ABCG1: variants seen among roughly 807,000 people sequenced by gnomAD.
The protein encoded by ABCG1 is ATP binding cassette subfamily G member 1.
Under a neutral mutation model 69.2 loss-of-function variants are expected in ABCG1, and 29 were observed. That is an observed-to-expected ratio of 0.42 (90% CI 0.31 to 0.57). The LOEUF (loss-of-function observed/expected upper bound fraction) is 0.57, where lower values mean the gene tolerates loss of function less well. Among genes scored for constraint, ABCG1 ranks in the 20% least tolerant of loss-of-function variants. The pLI, the probability that ABCG1 is intolerant of heterozygous loss-of-function variation, is 0.15. For missense variants in ABCG1, 718 were observed against 898.1 expected, an observed-to-expected ratio of 0.80 and a Z score of 2.56; for synonymous variants, 370 against 374.8, an observed-to-expected ratio of 0.99 and a Z score of 0.15.
intron 2 of ABCG1, among the ~76,000 whole-genome samples, chr21:42,234,397 C>CCT (rs1371985176): frequency 1.3e-5 from 2 of 152,196 alleles, no homozygotes; most frequent in African/African-American, 4.8e-5. Context: ...CTACAAAAGG[C>CCT]CTCTCCTCCT....
At chr21:42,278,729 C>T (rs1331524621) in intron 5 of ABCG1, among the ~76,000 whole-genome samples, 2 of 152,128 alleles carry the variant, frequency 1.3e-5, no homozygotes, top group Non-Finnish European at 2.9e-5. Flanking sequence ...CAAACGAGAG[C>T]CTTAGTTCCA....
intron 5 of ABCG1, 139 bp downstream of exon 5, chr21:42,277,084 C>T (rs1435677737): frequency 1.2e-5 from 11 of 897,426 alleles, no homozygotes; most frequent in East Asian, 5.1e-5. Flanking sequence ...GTGGGACAGG[C>T]AACATTTCAG....
At position 42,296,757 on chromosome 21, in the gene ABCG1, G is replaced by T; in HGVS notation, c.*365G>T. ...CACCAGGCACCGTGGGTCCTGGATG[G>T]GGAACTGCAAGCAGCCTCTCAGCTG... On this transcript the variant is annotated 3_prime_UTR_variant, in exon 15 of 15. Coordinates refer to ENST00000398449, the MANE Select transcript of ABCG1 (RefSeq NM_016818.3). The surrounding 1 kb of genome is among the most constrained non-coding windows in gnomAD (Gnocchi z 5.4). 1 of 283,580 alleles carries T rather than the reference G, an allele frequency of 3.5e-6. No individual in the cohort carries two copies. The highest frequency in any genetic ancestry group is 5.3e-5 in the South Asian group (1 of 18,992). 17.6% of individuals were successfully genotyped at this position (283,580 alleles called of 1,614,324 possible). A position where few individuals can be genotyped will look rare whatever the true frequency, so the allele number is the denominator to read the frequency against.
Position 42,296,472 on chromosome 21 carries a change from C to CGGG in ABCG1, c.*80_*81insGGG. 1 of 1,304,320 alleles carries CGGG rather than the reference C, an allele frequency of 7.7e-7. No homozygotes were observed. Among genetic ancestry groups the CGGG allele is most frequent in the Non-Finnish European group, 1.1e-6 (1 of 929,114 alleles). The allele number at this position is 1,304,320 out of a possible 1,614,324, so 80.8% of individuals were successfully genotyped here. A position where few individuals can be genotyped will look rare whatever the true frequency, so the allele number is the denominator to read the frequency against. ...TAGAATCGAGGAGGCAAGCCTGTGC[C>CGGG]CGACCGACGACACAGAGACTCTTCT... On this transcript the variant is annotated 3_prime_UTR_variant, in exon 15 of 15. Coordinates refer to ENST00000398449, the MANE Select transcript of ABCG1 (RefSeq NM_016818.3). The surrounding 1 kb of genome is among the most constrained non-coding windows in gnomAD (Gnocchi z 5.4).
Position 42,219,193 on chromosome 21 carries a change from A to C in ABCG1, c.-70A>C. 1 of 1,303,366 alleles carries C rather than the reference A, an allele frequency of 7.7e-7. No homozygotes were observed. The highest frequency in any genetic ancestry group is 9.8e-7 in the Non-Finnish European group (1 of 1,018,156). The allele number at this position is 1,303,366 out of a possible 1,614,324, so 80.7% of individuals were successfully genotyped here. A position where few individuals can be genotyped will look rare whatever the true frequency, so the allele number is the denominator to read the frequency against. On this transcript the variant is annotated 5_prime_UTR_variant, in exon 1 of 15. Transcript: ENST00000398449. This position sits in a 1 kb window ranked among gnomAD's most constrained non-coding sequence, Gnocchi z 5.3. ...CAGCGGCTGAGCCGGGAGCCAGCGCAGCCTCGGCCCCGCAGCTCAAGCCTC... is the reference window on the plus strand; with the variant it reads ...CAGCGGCTGAGCCGGGAGCCAGCGCCGCCTCGGCCCCGCAGCTCAAGCCTC...
At chr21:42,252,282 T>C (rs972119512) in intron 2 of ABCG1, among the ~76,000 whole-genome samples, 21 of 152,334 alleles carry the variant, frequency 1.4e-4, no homozygotes, top group South Asian at 8.3e-4. Flanking sequence ...CCTACCATTG[T>C]GCCTGTGCTG....
chr21:42,268,939 G>T (rs1368348747), intron 2 of ABCG1, among the ~76,000 whole-genome samples: 1 of 152,198 alleles, frequency 6.6e-6, no homozygotes, highest in Non-Finnish European at 1.5e-5. Flanking sequence ...CAGCACTGAG[G>T]GTCAGCCCCA....
intron 5 of ABCG1, 134 bp from the exon 6 acceptor site, chr21:42,282,140 G>A: frequency 1.5e-5 from 19 of 1,263,386 alleles, no homozygotes; most frequent in Non-Finnish European, 2.1e-5. Context: ...GGTTCGACTT[G>A]CGTGGCCTCC....
At position 42,276,374 on chromosome 21, in the gene ABCG1, C is replaced by T. The variant is rs1310158975; in HGVS notation, c.538-521C>T. On this transcript the variant is annotated intron_variant, in intron 4 of 14. Coordinates refer to ENST00000398449, the MANE Select transcript of ABCG1 (RefSeq NM_016818.3). This position sits in a 1 kb window ranked among gnomAD's most constrained non-coding sequence, Gnocchi z 5.3. ...CAGGCGGTTTGTGGAATTCCTAACTCGCACCACTGGTTCCGCCCAGGCTGG... is the reference window on the plus strand; with the variant it reads ...CAGGCGGTTTGTGGAATTCCTAACTTGCACCACTGGTTCCGCCCAGGCTGG... The T allele has an allele frequency of 1.9e-5, 3 of 154,044 alleles. No individual in the cohort carries two copies. Among genetic ancestry groups the T allele is most frequent in the African/African-American group, 4.8e-5 (2 of 41,480 alleles). The allele number at this position is 154,044 out of a possible 1,614,324, so 9.5% of individuals were successfully genotyped here. A position where few individuals can be genotyped will look rare whatever the true frequency, so the allele number is the denominator to read the frequency against.
chr21:42,259,912 G>A, intron 2 of ABCG1: 1 of 1,456,516 alleles, frequency 6.9e-7, no homozygotes, highest in Non-Finnish European at 9.1e-7. Flanking sequence ...CCAGGCTTGA[G>A]CGGCCCTGAA....
Position 42,288,194 on chromosome 21 carries a change from C to T in ABCG1, c.1123-17C>T. 6.2e-7 allele frequency: 1 copy of T among 1,613,558 alleles called. No individual in the cohort carries two copies. Among genetic ancestry groups the T allele is most frequent in the Non-Finnish European group, 8.5e-7 (1 of 1,179,436 alleles). On this transcript the variant is annotated splice_polypyrimidine_tract_variant and intron_variant, in intron 9 of 14. Transcript: ENST00000398449. This position sits in a 1 kb window ranked among gnomAD's most constrained non-coding sequence, Gnocchi z 4.8. ...CGGACTGGCTTTCACCCGCTCCCCT[C>T]TTGCGTGTGTCCTCAGGACTCCTCG...
chr21:42,261,563 C>A (rs1028974159), intron 2 of ABCG1, among the ~76,000 whole-genome samples: 9 of 152,222 alleles, frequency 5.9e-5, no homozygotes, highest in Non-Finnish European at 8.8e-5. Context: ...TCCACTGAAA[C>A]CCCGAGCGAG....
At chr21:42,207,411 C>G (rs75732162) in intron 2 of ABCG1, among the ~76,000 whole-genome samples, 5 of 152,150 alleles carry the variant, frequency 3.3e-5, no homozygotes, top group African/African-American at 7.2e-5. Context: ...TCTAAACTTT[C>G]TATTTTGTTC....
chr21:42,254,917 C>T (rs755504347), intron 2 of ABCG1, among the ~76,000 whole-genome samples: 12 of 152,160 alleles, frequency 7.9e-5, no homozygotes, highest in African/African-American at 2.2e-4. Flanking sequence ...AGAAAAATCA[C>T]GGCTTTGGGT....
upstream of ABCG1, chr21:42,219,108 G>C (rs1392431884): frequency 1.5e-6 from 1 of 659,664 alleles, no homozygotes; most frequent in Admixed American, 5.1e-5. This position sits in a 1 kb window ranked among gnomAD's most constrained non-coding sequence, Gnocchi z 5.3. Context: ...GGTCGGGCGC[G>C]CTGGAACCAG....
intron 11 of ABCG1, among the ~76,000 whole-genome samples, chr21:42,290,457 A>G (rs2069035436): frequency 6.6e-6 from 1 of 152,230 alleles, no homozygotes; most frequent in South Asian, 2.1e-4. Context: ...GCATGATGGA[A>G]GGCTGATGGG....
rs541952525 is a variant in ABCG1 at position 42,264,094 on chromosome 21, G to A, written c.287-6976G>A. Among the ~76,000 whole-genome samples the A allele has an allele frequency of 4.9e-4, 75 of 152,316 alleles. 2 individuals are homozygous for A. Among genetic ancestry groups the A allele is most frequent in the African/African-American group, 1.4e-3 (58 of 41,572 alleles). On this transcript the variant is annotated intron_variant, in intron 2 of 14. Coordinates refer to ENST00000398449, the MANE Select transcript of ABCG1 (RefSeq NM_016818.3). ...GAGCTGGAAGCAGAAGAAGACGTGC[G>A]TCACATGGCGGCTGTCGGATGCCCT... is the stretch of plus-strand genomic sequence containing the variant.
At position 42,201,413 on chromosome 21, in the gene ABCG1, T is replaced by C. The variant is rs1410191606; in HGVS notation, c.-99-164T>C. Among the ~76,000 whole-genome samples, 3 of 152,070 alleles carry C rather than the reference T, an allele frequency of 2.0e-5. 1 individual carries two copies. The highest frequency in any genetic ancestry group is 2.9e-5 in the Non-Finnish European group (2 of 68,004). On this transcript the variant is annotated intron_variant, in intron 1 of 15. Coordinates refer to the ABCG1 transcript ENST00000398457. ...GGAGGGAGAGCTCAAGCCATAAAGC[T>C]CCCTCGCTTGCCGCTCACCTCCTGC...
At position 42,242,040 on chromosome 21, in the gene ABCG1, C is replaced by G. The variant is rs537754784; in HGVS notation, c.286+16126C>G. Among the ~76,000 whole-genome samples the G allele has an allele frequency of 3.3e-5, 5 of 151,650 alleles. No individual in the cohort carries two copies. In the South Asian group the frequency reaches 1.0e-3, roughly 32 times the overall value. On this transcript the variant is annotated intron_variant, in intron 2 of 14. Coordinates refer to ENST00000398449, the MANE Select transcript of ABCG1 (RefSeq NM_016818.3). The stretch of plus-strand genomic sequence containing the variant: ...TTGGTTACTTGTTTTACAAATATGC[C>G]TGCCATTGAAAGCACAAAACAGTGA...
Sources: allele counts gnomAD v4.1 joint callset (sites outside exome capture counted in the v4.1 genomes callset), GRCh38; gene constraint gnomAD v4.1.1; non-coding constraint Gnocchi (gnomAD v3.1); transcripts MANE v1.5; gene names NCBI Gene and HGNC (gene_info 2026-07-23, HGNC 2026-07-21).